Variants in OPRD1 observed in about 807,000 individuals in gnomAD.
The protein encoded by OPRD1 is delta-type opioid receptor.
A neutral mutation model predicts 17.5 loss-of-function variants in OPRD1; 19 were observed. The observed-to-expected ratio is 1.09, with a 90% confidence interval of 0.76 to 1.60. The LOEUF is 1.60. Ranked by LOEUF, OPRD1 falls within the 40% of genes most tolerant of loss-of-function variation. The pLI is 0.00. For synonymous variants in OPRD1, 256 were observed against 240.9 expected (o/e 1.06, Z -0.58); for missense variants, 483 against 547.2 (o/e 0.88, Z 1.17).
chr1:28,819,542 T>G (rs1448841792), intron 1 of OPRD1, among the ~76,000 whole-genome samples: 1 of 152,160 alleles, frequency 6.6e-6, no homozygotes, highest in Non-Finnish European at 1.5e-5. Context: ...TGCCAGAGGC[T>G]TCTGGATCCA....
chr1:28,828,463 A>G (rs969634221), intron 1 of OPRD1, among the ~76,000 whole-genome samples: 6 of 152,124 alleles, frequency 3.9e-5, no homozygotes, highest in Admixed American at 2.0e-4. Flanking sequence ...TAAGGGCCCT[A>G]GGATTTTTGG....
intron 1 of OPRD1, among the ~76,000 whole-genome samples, chr1:28,854,000 C>A (rs2089032886): frequency 6.6e-6 from 1 of 152,054 alleles, no homozygotes; most frequent in East Asian, 1.9e-4. Flanking sequence ...CTCGGCCTCT[C>A]AAAGTGCTGG....
intron 1 of OPRD1, among the ~76,000 whole-genome samples, chr1:28,848,783 C>T (rs1029537438): frequency 8.5e-5 from 13 of 152,142 alleles, no homozygotes; most frequent in African/African-American, 2.9e-4. Flanking sequence ...GTCATATGAC[C>T]TTGGATAAAT....
At chr1:28,862,543 T>C (rs977478375) in intron 2 of OPRD1, among the ~76,000 whole-genome samples, 199 bp from the exon 3 acceptor site, 1 of 152,214 alleles carries the variant, frequency 6.6e-6, no homozygotes, top group African/African-American at 2.4e-5. Context: ...CCAATCCTGC[T>C]AGGTCTTTAC....
In OPRD1 at chr1:28,825,999, C is replaced by T. The variant is rs149300376; in HGVS notation, c.227+13389C>T. Reference sequence around the variant, plus strand: ...CAGTGATGAAGACACAGTCCTTGCCCTCATGGAGCTGACAGTCTAGTGGGG... The same window carrying T: ...CAGTGATGAAGACACAGTCCTTGCCTTCATGGAGCTGACAGTCTAGTGGGG... On this transcript the variant is annotated intron_variant, in intron 1 of 2. Coordinates refer to ENST00000234961, the MANE Select transcript of OPRD1 (RefSeq NM_000911.4). Among the ~76,000 whole-genome samples the T allele has an allele frequency of 2.0e-3, 306 of 152,302 alleles. 1 individual carries two copies. The highest frequency in any genetic ancestry group is 7.0e-3 in the African/African-American group (290 of 41,560).
chr1:28,854,893 A>G (rs996700651), intron 1 of OPRD1, among the ~76,000 whole-genome samples: 1 of 150,476 alleles, frequency 6.6e-6, no homozygotes, highest in Non-Finnish European at 1.5e-5. Flanking sequence ...CTCGTGATCC[A>G]CCCACCTCAG....
At position 28,863,523 on chromosome 1, in the gene OPRD1, C is replaced by G. The variant is rs1167412795; in HGVS notation, c.*240C>G. On this transcript the variant is annotated 3_prime_UTR_variant, in exon 3 of 3. Coordinates refer to ENST00000234961, the MANE Select transcript of OPRD1 (RefSeq NM_000911.4). The stretch of plus-strand genomic sequence containing the variant: ...CGCAGTGCCTCTGGTCTGGGTGCCC[C>G]GTCCACGGCTCTAGGTGGGGCGGGA... The G allele has an allele frequency of 1.1e-5, 5 of 455,058 alleles. No individual in the cohort carries two copies. Among genetic ancestry groups the G allele is most frequent in the Middle Eastern group, 5.6e-4 (1 of 1,790 alleles). 28.2% of individuals were successfully genotyped at this position (455,058 alleles called of 1,614,324 possible).
chr1:28,849,677 A>C (rs542940598), intron 1 of OPRD1, among the ~76,000 whole-genome samples: 7 of 152,372 alleles, frequency 4.6e-5, no homozygotes, highest in Admixed American at 1.3e-4. Flanking sequence ...AGGCTAAAGC[A>C]GATGAAGGAA....
At chr1:28,829,037 G>T (rs1380642216) in intron 1 of OPRD1, among the ~76,000 whole-genome samples, 1 of 149,872 alleles carries the variant, frequency 6.7e-6, no homozygotes, top group African/African-American at 2.4e-5. Context: ...TCTCCTTGAA[G>T]CTTTGTAACC....
intron 1 of OPRD1, among the ~76,000 whole-genome samples, chr1:28,854,587 G>T (rs1438008380): frequency 6.6e-6 from 1 of 151,902 alleles, no homozygotes; most frequent in Non-Finnish European, 1.5e-5. Context: ...GGAGGCTGCC[G>T]CAGTGTCCCT....
rs1323721932 is a variant in OPRD1 at position 28,816,893 on chromosome 1, C to T, written c.227+4283C>T. ...AGGCCCCTCACCTGTGGCAGGTGACCCCCTCTTCCTCCCGCCTGGCCCAGA... is the reference window on the plus strand; with the variant it reads ...AGGCCCCTCACCTGTGGCAGGTGACTCCCTCTTCCTCCCGCCTGGCCCAGA... On this transcript the variant is annotated intron_variant, in intron 1 of 2. Coordinates refer to ENST00000234961, the MANE Select transcript of OPRD1 (RefSeq NM_000911.4). Among the ~76,000 whole-genome samples, 4 of 152,094 alleles carry T rather than the reference C, an allele frequency of 2.6e-5. No individual in the cohort carries two copies. In the East Asian group the frequency reaches 7.8e-4, roughly 29 times the overall value.
At chr1:28,812,637 A>C in intron 1 of OPRD1, 27 bp downstream of exon 1, 1 of 1,462,502 alleles carries the variant, frequency 6.8e-7, no homozygotes, top group Non-Finnish European at 9.1e-7. Context: ...CCGGCGCCGC[A>C]GGGCTGGAGC....
At chr1:28,840,126 T>C (rs534065528) in intron 1 of OPRD1, among the ~76,000 whole-genome samples, 3 of 152,274 alleles carry the variant, frequency 2.0e-5, no homozygotes, top group East Asian at 3.9e-4. Flanking sequence ...CTCAGTCTAG[T>C]GTGGAAGACA....
At chr1:28,822,541 C>T (rs535530301) in intron 1 of OPRD1, among the ~76,000 whole-genome samples, 68 of 152,082 alleles carry the variant, frequency 4.5e-4, no homozygotes, top group African/African-American at 1.4e-3. Flanking sequence ...AGTGCAGTGG[C>T]GCAATCTCGG....
intron 1 of OPRD1, among the ~76,000 whole-genome samples, chr1:28,846,439 A>G (rs901536593): frequency 6.6e-6 from 1 of 152,030 alleles, no homozygotes; most frequent in Admixed American, 6.6e-5. Context: ...AGAGAAAGAG[A>G]GAGAGAGCAA....
chr1:28,838,545 C>A (rs1310553358), intron 1 of OPRD1, among the ~76,000 whole-genome samples: 2 of 152,126 alleles, frequency 1.3e-5, no homozygotes, highest in Admixed American at 6.6e-5. Context: ...CTGTGTCTCA[C>A]CCCCATGGTG....
intron 1 of OPRD1, among the ~76,000 whole-genome samples, chr1:28,844,182 A>G (rs570951499): frequency 2.8e-3 from 319 of 114,256 alleles, no homozygotes; most frequent in African/African-American, 0.011. Context: ...TTTTTTTTTC[A>G]TTATCTTAAT....
chr1:28,859,652 GTGTGGA>G (rs1025220588), intron 2 of OPRD1, among the ~76,000 whole-genome samples: 26 of 152,340 alleles, frequency 1.7e-4, no homozygotes, highest in Admixed American at 4.6e-4. Context: ...GGCCAGGGAT[GTGTGGA>G]TGTATAGAGA....
At chr1:28,815,683 C>T (rs1252088977) in intron 1 of OPRD1, among the ~76,000 whole-genome samples, 1 of 152,218 alleles carries the variant, frequency 6.6e-6, no homozygotes, top group African/African-American at 2.4e-5. Context: ...CCTCGAGCTG[C>T]GCTCCATCTG....
Sources: allele counts gnomAD v4.1 joint callset (sites outside exome capture counted in the v4.1 genomes callset), GRCh38; gene constraint gnomAD v4.1.1; transcripts MANE v1.5; gene names NCBI Gene and HGNC (gene_info 2026-07-23, HGNC 2026-07-21).